Variants in PPP2R2B observed in about 807,000 individuals in gnomAD.
The protein encoded by PPP2R2B is protein phosphatase 2 regulatory subunit Bbeta, also known as serine/threonine-protein phosphatase 2A 55 kDa regulatory subunit B beta isoform.
Under a neutral mutation model 46.0 loss-of-function variants are expected in PPP2R2B, and 5 were observed. The ratio of observed to expected loss-of-function variants is 0.11; its 90% CI spans 0.06 to 0.23. The LOEUF (loss-of-function observed/expected upper bound fraction) is 0.23. PPP2R2B is among the 10% of genes least tolerant of loss of function. PPP2R2B has a pLI of 1.00. For synonymous variants in PPP2R2B, 215 were observed against 206.7 expected (o/e 1.04, Z -0.34); for missense variants, 367 against 575.0 (o/e 0.64, Z 3.70).
intron 1 of PPP2R2B, among the ~76,000 whole-genome samples, chr5:147,044,494 TTTTC>T (rs761788267): frequency 1.2e-4 from 19 of 152,154 alleles, no homozygotes; most frequent in Non-Finnish European, 2.2e-4. Context: ...GCATAATATA[TTTTC>T]TTTCTTTCTT....
chr5:147,066,745 A>T (rs1561610095), intron 2 of PPP2R2B, among the ~76,000 whole-genome samples: 1 of 151,524 alleles, frequency 6.6e-6, no homozygotes, highest in East Asian at 1.9e-4. Flanking sequence ...TCTAATCATG[A>T]TTTTTTTTTG....
At chr5:146,594,299 A>C (rs969867538) in intron 8 of PPP2R2B, among the ~76,000 whole-genome samples, 4 of 152,200 alleles carry the variant, frequency 2.6e-5, no homozygotes, top group Non-Finnish European at 5.9e-5. Flanking sequence ...GATTTCTGGA[A>C]GGCACCAGGG....
intron 2 of PPP2R2B, among the ~76,000 whole-genome samples, chr5:146,860,356 C>T (rs1158796823): frequency 6.6e-6 from 1 of 152,140 alleles, no homozygotes; most frequent in Non-Finnish European, 1.5e-5. Flanking sequence ...TACCCATGTT[C>T]CCTTTTCAGT....
At chr5:146,609,967 G>A (rs879187632) in intron 7 of PPP2R2B, among the ~76,000 whole-genome samples, 7 of 143,624 alleles carry the variant, frequency 4.9e-5, no homozygotes, top group East Asian at 2.2e-4. Flanking sequence ...CAAAGCAGCC[G>A]GGAAGCTCGA....
At chr5:146,642,970 T>C (rs1447376222) in intron 6 of PPP2R2B, among the ~76,000 whole-genome samples, 2 of 152,088 alleles carry the variant, frequency 1.3e-5, no homozygotes, top group East Asian at 1.9e-4. Flanking sequence ...GGCAGGAGGA[T>C]TGATTGAGCC....
At chr5:146,727,061 G>A (rs921587954) in intron 2 of PPP2R2B, among the ~76,000 whole-genome samples, 3 of 152,024 alleles carry the variant, frequency 2.0e-5, no homozygotes, top group Admixed American at 2.0e-4. Context: ...ACTCTACAAA[G>A]GGGTTCTTTT....
intron 6 of PPP2R2B, among the ~76,000 whole-genome samples, chr5:146,643,471 C>A (rs1376251856): frequency 6.6e-6 from 1 of 152,108 alleles, no homozygotes; most frequent in Non-Finnish European, 1.5e-5. Flanking sequence ...AATTATGTCT[C>A]TATATGTCCT....
chr5:147,004,403 C>T (rs1580786473), intron 1 of PPP2R2B, among the ~76,000 whole-genome samples: 1 of 152,172 alleles, frequency 6.6e-6, no homozygotes, highest in South Asian at 2.1e-4. Context: ...GTACATTTAA[C>T]CATTGAGGAC....
intron 1 of PPP2R2B, among the ~76,000 whole-genome samples, chr5:146,904,417 T>C (rs1262090001): frequency 1.3e-5 from 2 of 152,220 alleles, no homozygotes; most frequent in African/African-American, 4.8e-5. Context: ...ATTAAATATC[T>C]ACTCAGCCTC....
chr5:146,771,738 T>C (rs1484192866), intron 2 of PPP2R2B, among the ~76,000 whole-genome samples: 3 of 152,246 alleles, frequency 2.0e-5, no homozygotes, highest in Middle Eastern at 3.2e-3. Context: ...TCTATTTTTC[T>C]TCGGTATATA....
intron 1 of PPP2R2B, among the ~76,000 whole-genome samples, chr5:146,967,722 A>G (rs1186234713): frequency 6.6e-6 from 1 of 152,190 alleles, no homozygotes; most frequent in East Asian, 1.9e-4. Context: ...AAGTCAGAAT[A>G]CATAGAGATG....
At chr5:146,816,508 A>G (rs1246222499) in intron 2 of PPP2R2B, among the ~76,000 whole-genome samples, 1 of 152,236 alleles carries the variant, frequency 6.6e-6, no homozygotes, top group Admixed American at 6.5e-5. Context: ...ATTAAACATT[A>G]TGCTAAAGAG....
At chr5:147,000,345 T>C (rs532376016) in intron 1 of PPP2R2B, among the ~76,000 whole-genome samples, 2 of 152,184 alleles carry the variant, frequency 1.3e-5, no homozygotes, top group East Asian at 2.0e-4. Context: ...CTCTTCAAGT[T>C]TGAACTTCTT....
intron 1 of PPP2R2B, among the ~76,000 whole-genome samples, chr5:147,014,783 T>C (rs1000447011): frequency 1.3e-5 from 2 of 151,798 alleles, no homozygotes; most frequent in Non-Finnish European, 2.9e-5. Flanking sequence ...TACCTAATGC[T>C]AGATGACGAG....
At chr5:147,038,465 T>A (rs1046827506) in intron 1 of PPP2R2B, among the ~76,000 whole-genome samples, 1 of 152,170 alleles carries the variant, frequency 6.6e-6, no homozygotes, top group African/African-American at 2.4e-5. Flanking sequence ...ACATTGATAA[T>A]TTTTCAAAGA....
At chr5:147,042,305 G>A (rs1002832415) in intron 1 of PPP2R2B, among the ~76,000 whole-genome samples, 9 of 151,946 alleles carry the variant, frequency 5.9e-5, no homozygotes, top group African/African-American at 1.5e-4. Flanking sequence ...AGCATTAGCC[G>A]TCTCTTGGCT....
At chr5:146,811,788 C>G (rs1348931534) in intron 2 of PPP2R2B, among the ~76,000 whole-genome samples, 1 of 147,382 alleles carries the variant, frequency 6.8e-6, no homozygotes, top group African/African-American at 2.5e-5. Context: ...AGGATGGTCT[C>G]GATCTCCTGA....
intron 2 of PPP2R2B, among the ~76,000 whole-genome samples, chr5:146,762,226 G>C (rs1228589993): frequency 1.3e-5 from 2 of 152,178 alleles, no homozygotes; most frequent in Non-Finnish European, 2.9e-5. Context: ...GCAGAATATA[G>C]AATAATCTTT....
intron 6 of PPP2R2B, among the ~76,000 whole-genome samples, chr5:146,650,306 G>A (rs1775869770): frequency 6.6e-6 from 1 of 152,158 alleles, no homozygotes; most frequent in Admixed American, 6.6e-5. Context: ...GCCTCTGTAT[G>A]AAGGAATTGA....
Sources: gnomAD v4.1 joint callset for allele counts (sites outside exome capture counted in the v4.1 genomes callset) on GRCh38, gnomAD v4.1.1 for gene constraint, MANE v1.5 for transcripts, NCBI Gene and HGNC (gene_info 2026-07-23, HGNC 2026-07-21) for gene names.